The following MUCL1 variants were observed in gnomAD, a reference collection of about 807,000 sequenced individuals.
The protein encoded by MUCL1 is mucin-like protein 1.
Under a neutral mutation model 9.2 loss-of-function variants are expected in MUCL1, and 11 were observed. The observed-to-expected ratio is 1.19, with a 90% CI of 0.75 to 1.97. The LOEUF (loss-of-function observed/expected upper bound fraction) is 1.97, where lower values mean the gene tolerates loss of function less well. Among genes scored for constraint, MUCL1 ranks in the 30% most tolerant of loss-of-function variants. The probability of loss-of-function intolerance (pLI) is 0.00; values close to 1 mark genes in which losing one functional copy is unlikely to be tolerated. For missense variants in MUCL1, 144 were observed against 110.9 expected (o/e 1.30, Z -1.34); for synonymous variants, 48 against 40.5 (o/e 1.19, Z -0.71).
chr12:54,856,921 C>T (rs369718217), intron 3 of MUCL1, 29 bp downstream of exon 3: 2 of 1,613,168 alleles, frequency 1.2e-6, no homozygotes, highest in Non-Finnish European at 8.5e-7. Context: ...CTGTGTGCTT[C>T]CTTTATGTGG....
chr12:54,855,387 T>G (rs781112702), intron 2 of MUCL1: 2 of 518,160 alleles, frequency 3.9e-6, no homozygotes, highest in Non-Finnish European at 7.0e-6. Context: ...CTTATACAAA[T>G]GTGGACTTAT....
chr12:54,853,203 A>G (rs557954895), upstream of MUCL1, among the ~76,000 whole-genome samples: 1 of 152,336 alleles, frequency 6.6e-6, no homozygotes, highest in Non-Finnish European at 1.5e-5. Flanking sequence ...TTGTATGAAG[A>G]AGAAGAACTT....
At chr12:54,833,564 T>C (rs1221133818) in intron 1 of MUCL1, among the ~76,000 whole-genome samples, 1 of 152,116 alleles carries the variant, frequency 6.6e-6, no homozygotes. Context: ...TGAAGTCTTA[T>C]TCAAAACTTT....
chr12:54,832,962 C>T (rs1249108947), intron 1 of MUCL1, among the ~76,000 whole-genome samples: 2 of 151,974 alleles, frequency 1.3e-5, no homozygotes, highest in Non-Finnish European at 2.9e-5. Context: ...AACCAAGCTT[C>T]CTTATTAAAT....
intron 1 of MUCL1, among the ~76,000 whole-genome samples, chr12:54,848,681 C>CT (rs1403073758): frequency 6.6e-6 from 1 of 152,150 alleles, no homozygotes; most frequent in African/African-American, 2.4e-5. Flanking sequence ...TAAGCCCAAA[C>CT]TTACTGCATT....
chr12:54,846,385 C>T (rs1565776555), intron 1 of MUCL1, among the ~76,000 whole-genome samples: 1 of 152,212 alleles, frequency 6.6e-6, no homozygotes, highest in Non-Finnish European at 1.5e-5. Flanking sequence ...AAGGAGCGAG[C>T]CACATCCCTG....
In MUCL1 at chr12:54,858,190, C is replaced by A. The variant is rs760605577; in HGVS notation, c.224-3C>A. The A allele has an allele frequency of 2.0e-5, 33 of 1,613,086 alleles. No homozygotes were observed. Among genetic ancestry groups the A allele is most frequent in the African/African-American group, 1.7e-4 (13 of 74,820 alleles). Reference sequence around the variant, plus strand: ...CCCTTGACAATATTTTTTTCTCTTGCAGTTTTACCCAAATGGGTTGGGGAT... The same window carrying A: ...CCCTTGACAATATTTTTTTCTCTTGAAGTTTTACCCAAATGGGTTGGGGAT... On this transcript the variant is annotated splice_polypyrimidine_tract_variant and splice_region_variant and intron_variant, in intron 3 of 3. Transcript: ENST00000308796.
intron 2 of MUCL1, among the ~76,000 whole-genome samples, chr12:54,856,306 G>A (rs6581009): frequency 0.93 from 142,290 of 152,194 alleles, 66,540 homozygotes; most frequent in East Asian, 1. Context: ...GATGAGATAC[G>A]TCTTCTTAGT....
At chr12:54,849,950 C>T (rs1399191560), upstream of MUCL1, among the ~76,000 whole-genome samples, 2 of 152,226 alleles carry the variant, frequency 1.3e-5, no homozygotes, top group Admixed American at 6.5e-5. Context: ...CCTCTGCACA[C>T]TCAGGCCACT....
At chr12:54,848,321 G>T (rs1023017306) in intron 1 of MUCL1, among the ~76,000 whole-genome samples, 2 of 151,962 alleles carry the variant, frequency 1.3e-5, no homozygotes, top group African/African-American at 4.8e-5. Flanking sequence ...GTAATGATTA[G>T]GGCAGGTTTG....
intron 2 of MUCL1, among the ~76,000 whole-genome samples, chr12:54,856,116 T>A (rs200394092): frequency 4.2e-5 from 2 of 48,158 alleles, no homozygotes; most frequent in Non-Finnish European, 1.1e-4. Flanking sequence ...TAATGGGGAA[T>A]TTTTTTACTA....
At chr12:54,851,766 T>C (rs1160194621), upstream of MUCL1, among the ~76,000 whole-genome samples, 1 of 152,164 alleles carries the variant, frequency 6.6e-6, no homozygotes, top group Non-Finnish European at 1.5e-5. Context: ...AACCCCATCG[T>C]CTCAGCCCCA....
At chr12:54,845,246 A>G (rs926070784) in intron 1 of MUCL1, among the ~76,000 whole-genome samples, 2 of 152,144 alleles carry the variant, frequency 1.3e-5, no homozygotes, top group African/African-American at 4.8e-5. Context: ...CTGAGCAATG[A>G]GCTCTCTGCC....
At chr12:54,834,199 G>A (rs552556536) in intron 1 of MUCL1, among the ~76,000 whole-genome samples, 2 of 152,130 alleles carry the variant, frequency 1.3e-5, no homozygotes, top group African/African-American at 4.8e-5. Flanking sequence ...AAGGTTTACT[G>A]TTACACTTAT....
At chr12:54,835,861 C>G (rs1203009727), upstream of MUCL1, among the ~76,000 whole-genome samples, 4 of 152,018 alleles carry the variant, frequency 2.6e-5, no homozygotes, top group East Asian at 5.8e-4. Flanking sequence ...TAAATTCTGC[C>G]TATTTATAAA....
intron 1 of MUCL1, among the ~76,000 whole-genome samples, chr12:54,845,904 C>T (rs1411030198): frequency 6.6e-6 from 1 of 152,052 alleles, no homozygotes; most frequent in Non-Finnish European, 1.5e-5. Flanking sequence ...CAGTGAGTTT[C>T]CTTATAAAAC....
At chr12:54,846,470 T>A (rs1959258730) in intron 1 of MUCL1, among the ~76,000 whole-genome samples, 1 of 152,202 alleles carries the variant, frequency 6.6e-6, no homozygotes, top group Admixed American at 6.5e-5. Context: ...TTCTGATTGT[T>A]TCACTTCATG....
intron 1 of MUCL1, among the ~76,000 whole-genome samples, chr12:54,839,918 T>A (rs1049249419): frequency 2.0e-5 from 3 of 152,212 alleles, no homozygotes; most frequent in Non-Finnish European, 2.9e-5. Context: ...AGCCCTGCAC[T>A]GCACCTGTGC....
intron 1 of MUCL1, among the ~76,000 whole-genome samples, chr12:54,841,142 A>T (rs192682042): frequency 1.1e-3 from 174 of 152,340 alleles, no homozygotes; most frequent in African/African-American, 3.9e-3. Flanking sequence ...AGGTTCATCC[A>T]TGTTGCCATA....
Sources: allele counts gnomAD v4.1 joint callset (sites outside exome capture counted in the v4.1 genomes callset), GRCh38; gene constraint gnomAD v4.1.1; transcripts MANE v1.5; gene names NCBI Gene and HGNC (gene_info 2026-07-23, HGNC 2026-07-21).